The following FARS2 variants were observed in gnomAD, a reference collection of about 807,000 sequenced individuals.
FARS2 encodes phenylalanyl-tRNA synthetase 2, mitochondrial, also known as phenylalanine--tRNA ligase, mitochondrial.
Under a neutral mutation model 46.4 loss-of-function variants are expected in FARS2, and 40 were observed. The observed-to-expected ratio is 0.86, with a 90% CI of 0.67 to 1.12. FARS2 has a LOEUF of 1.12. FARS2 is among the 50% of genes most tolerant of loss of function. The probability of loss-of-function intolerance (pLI) is 0.00; values close to 1 mark genes in which losing one functional copy is unlikely to be tolerated. For missense variants in FARS2, 513 were observed against 567.9 expected (o/e 0.90, Z 0.98); for synonymous variants, 234 against 214.9 (o/e 1.09, Z -0.78).
At chr6:5,280,022 G>A (rs528651269) in intron 1 of FARS2, among the ~76,000 whole-genome samples, 7 of 152,310 alleles carry the variant, frequency 4.6e-5, no homozygotes, top group African/African-American at 1.7e-4. Context: ...AAAACACCTA[G>A]TTTCCCCTTA....
At chr6:5,533,658 T>G (rs1289367796) in intron 4 of FARS2, among the ~76,000 whole-genome samples, 2 of 152,178 alleles carry the variant, frequency 1.3e-5, no homozygotes, top group Non-Finnish European at 2.9e-5. Context: ...AGATATTTTC[T>G]GAGGAAAAGA....
intron 4 of FARS2, among the ~76,000 whole-genome samples, chr6:5,439,477 T>C (rs761615958): frequency 3.9e-5 from 6 of 152,254 alleles, no homozygotes; most frequent in Non-Finnish European, 5.9e-5. Context: ...AACTTCACCC[T>C]GTGTGGGTTG....
In FARS2 at chr6:5,471,865, A is replaced by G. The variant is rs949933873; in HGVS notation, c.904+40693A>G. Among the ~76,000 whole-genome samples the G allele has an allele frequency of 6.6e-6, 1 of 152,160 alleles. No homozygotes were observed. The highest frequency in any genetic ancestry group is 1.5e-5 in the Non-Finnish European group (1 of 68,028). On this transcript the variant is annotated intron_variant, in intron 4 of 6. Transcript: ENST00000274680. This position sits in a 1 kb window ranked among gnomAD's most constrained non-coding sequence, Gnocchi z 4.1. ...CTGCAGTGTGGTGCAGCAGATGCGT[A>G]CTGGTGGTTGCCATGGAGATCGCTA...
chr6:5,279,942 A>G (rs1766608737), intron 1 of FARS2, among the ~76,000 whole-genome samples: 1 of 152,222 alleles, frequency 6.6e-6, no homozygotes, highest in South Asian at 2.1e-4. Flanking sequence ...ATGTTTAACC[A>G]AATATCTGGG....
chr6:5,341,235 A>ATTTTTTTTTTT (rs70974193), intron 1 of FARS2, among the ~76,000 whole-genome samples: 3 of 10,274 alleles, frequency 2.9e-4, no homozygotes, highest in African/African-American at 5.2e-4. Flanking sequence ...ATATATATAT[A>ATTTTTTTTTTT]TTTTTTTTTT....
intron 3 of FARS2, among the ~76,000 whole-genome samples, chr6:5,421,005 G>T (rs1762517694): frequency 6.6e-6 from 1 of 152,134 alleles, no homozygotes; most frequent in Non-Finnish European, 1.5e-5. Flanking sequence ...CTGTGTGGGG[G>T]CTCCTACCCA....
At chr6:5,733,889 G>A (rs1760792756) in intron 6 of FARS2, among the ~76,000 whole-genome samples, 1 of 152,188 alleles carries the variant, frequency 6.6e-6, no homozygotes, top group African/African-American at 2.4e-5. Flanking sequence ...TTTCTTACAT[G>A]TATGGAGTAG....
chr6:5,542,040 A>G (rs536851613), intron 4 of FARS2, among the ~76,000 whole-genome samples: 44 of 152,212 alleles, frequency 2.9e-4, no homozygotes, highest in Non-Finnish European at 4.9e-4. Context: ...ATAACCAGCA[A>G]TGAGGAGGAC....
At chr6:5,551,348 T>G (rs1360869923) in intron 5 of FARS2, among the ~76,000 whole-genome samples, 1 of 152,214 alleles carries the variant, frequency 6.6e-6, no homozygotes, top group Non-Finnish European at 1.5e-5. Context: ...TTATGAATAT[T>G]TGGATATTCT....
At chr6:5,433,115 G>A (rs1763322192) in intron 4 of FARS2, among the ~76,000 whole-genome samples, 1 of 152,158 alleles carries the variant, frequency 6.6e-6, no homozygotes, top group African/African-American at 2.4e-5. Context: ...CCTGGGAGGA[G>A]AAGTTGTGAG....
chr6:5,397,036 A>G (rs1760947112), intron 2 of FARS2, among the ~76,000 whole-genome samples: 1 of 152,242 alleles, frequency 6.6e-6, no homozygotes, highest in South Asian at 2.1e-4. Context: ...CGCAAAGTAT[A>G]AAATAACTGT....
chr6:5,481,192 T>C (rs1283091366), intron 4 of FARS2, among the ~76,000 whole-genome samples: 1 of 152,200 alleles, frequency 6.6e-6, no homozygotes, highest in Non-Finnish European at 1.5e-5. Flanking sequence ...GGGTACCACC[T>C]GCCTCCAGAG....
chr6:5,281,994 T>A (rs17140068), intron 1 of FARS2, among the ~76,000 whole-genome samples: 2 of 152,118 alleles, frequency 1.3e-5, no homozygotes, highest in Non-Finnish European at 2.9e-5. Flanking sequence ...TACTCCAAAC[T>A]TTACCAGTCT....
intron 6 of FARS2, among the ~76,000 whole-genome samples, chr6:5,710,940 A>G (rs991934460): frequency 3.3e-5 from 5 of 152,216 alleles, no homozygotes; most frequent in Middle Eastern, 3.2e-3. Flanking sequence ...ATGGTGGCGA[A>G]CAAACAGCCC....
chr6:5,710,576 A>G (rs1313489548), intron 6 of FARS2, among the ~76,000 whole-genome samples: 1 of 152,174 alleles, frequency 6.6e-6, no homozygotes, highest in African/African-American at 2.4e-5. Flanking sequence ...GGGGCTTCCT[A>G]GGCCACAGCA....
At chr6:5,367,372 T>C (rs1758753511) in intron 1 of FARS2, among the ~76,000 whole-genome samples, 1 of 152,146 alleles carries the variant, frequency 6.6e-6, no homozygotes, top group African/African-American at 2.4e-5. Flanking sequence ...AATTTAAGTT[T>C]GTGAATGTAA....
upstream of FARS2, chr6:5,260,923 G>C (rs1030445011): frequency 1.5e-6 from 2 of 1,361,660 alleles, no homozygotes; most frequent in African/African-American, 3.1e-5. Context: ...GTCCCGCGCC[G>C]CTTCGGGGGC....
intron 5 of FARS2, among the ~76,000 whole-genome samples, chr6:5,603,695 C>T (rs1774670490): frequency 6.6e-6 from 1 of 152,178 alleles, no homozygotes. Context: ...GTGTTCAGAC[C>T]TCCCCAGTTT....
At chr6:5,617,153 A>T (rs1041644392) in intron 6 of FARS2, among the ~76,000 whole-genome samples, 10 of 152,052 alleles carry the variant, frequency 6.6e-5, no homozygotes, top group African/African-American at 2.4e-4. Context: ...ATATTTTTCT[A>T]AAAAAAATAG....
Sources: gnomAD v4.1 joint callset for allele counts (sites outside exome capture counted in the v4.1 genomes callset) on GRCh38, gnomAD v4.1.1 for gene constraint, Gnocchi (gnomAD v3.1) non-coding constraint, MANE v1.5 for transcripts, NCBI Gene and HGNC (gene_info 2026-07-23, HGNC 2026-07-21) for gene names.